The following OSTC variants were observed in gnomAD, a reference collection of about 807,000 sequenced individuals.
OSTC encodes oligosaccharyltransferase complex subunit OSTC.
A neutral mutation model predicts 16.4 loss-of-function variants in OSTC; 16 were observed. The observed-to-expected ratio is 0.98, with a 90% confidence interval of 0.66 to 1.49. The LOEUF is 1.49. OSTC is among the 40% of genes most tolerant of loss of function. OSTC has a pLI of 0.00. For synonymous variants in OSTC, 67 were observed against 68.5 expected (o/e 0.98, Z 0.11); for missense variants, 139 against 186.3 (o/e 0.75, Z 1.48).
intron 3 of OSTC, among the ~76,000 whole-genome samples, chr4:108,659,773 AAAAG>A (rs955995123): frequency 6.2e-5 from 9 of 145,724 alleles, no homozygotes; most frequent in African/African-American, 2.2e-4. Flanking sequence ...CATCTCAAAA[AAAAG>A]AAAAGAAAAG....
rs561069644 is a variant in OSTC, at chr4:108,657,818, A to G, written c.431+171A>G. On this transcript the variant is annotated intron_variant, in intron 3 of 3. Coordinates refer to ENST00000361564, the MANE Select transcript of OSTC (RefSeq NM_021227.4). ...TTACAGCTATAGTTAATAAAAATTG[A>G]AACTAATAGATCTTCTTAGTTGTTA... Among the ~76,000 whole-genome samples the G allele has an allele frequency of 6.6e-5, 10 of 152,040 alleles. 1 individual carries two copies. The South Asian group carries it at 2.1e-3, about 32-fold the overall frequency.
Position 108,661,167 on chromosome 4 carries a change from G to A in OSTC, c.431+3520G>A, listed in dbSNP as rs368276184. The stretch of plus-strand genomic sequence containing the variant: ...CAGGAGGCAGAGGTTGCAGTGAGTC[G>A]AAATTGTGCCACTGCATTCCAGGCT... On this transcript the variant is annotated intron_variant, in intron 3 of 3. Coordinates refer to ENST00000361564, the MANE Select transcript of OSTC (RefSeq NM_021227.4). Among the ~76,000 whole-genome samples the A allele has an allele frequency of 6.9e-5, 10 of 145,338 alleles. 1 individual carries two copies. Among genetic ancestry groups the A allele is most frequent in the African/African-American group, 2.3e-4 (9 of 38,882 alleles).
At chr4:108,659,004 A>T (rs1578340089) in intron 3 of OSTC, among the ~76,000 whole-genome samples, 1 of 97,176 alleles carries the variant, frequency 1.0e-5, no homozygotes, top group Admixed American at 1.5e-4. Context: ...TTTGAGATGG[A>T]GTCTCACATT....
At chr4:108,663,352 C>T (rs541368948) in intron 3 of OSTC, 1 of 364,456 alleles carries the variant, frequency 2.7e-6, no homozygotes, top group Non-Finnish European at 5.3e-6. Flanking sequence ...GCTGGGACTA[C>T]AGGCGCCCAC....
At chr4:108,659,123 C>T (rs537588721) in intron 3 of OSTC, among the ~76,000 whole-genome samples, 114 of 151,686 alleles carry the variant, frequency 7.5e-4, no homozygotes, top group Middle Eastern at 3.4e-3. Context: ...GGATTACAGG[C>T]GCCCGCCACC....
intron 3 of OSTC, among the ~76,000 whole-genome samples, chr4:108,659,547 T>C (rs2110385265): frequency 1.3e-5 from 2 of 152,168 alleles, no homozygotes; most frequent in South Asian, 4.1e-4. Context: ...AGCGGGCGGA[T>C]CACAAGGTCA....
intron 3 of OSTC, among the ~76,000 whole-genome samples, chr4:108,662,356 C>G (rs1726878126): frequency 6.6e-6 from 1 of 152,126 alleles, no homozygotes; most frequent in Non-Finnish European, 1.5e-5. Flanking sequence ...TCGACAGACC[C>G]TCTTTCTAAA....
chr4:108,661,429 T>G (rs1726855069), intron 3 of OSTC, among the ~76,000 whole-genome samples: 1 of 152,178 alleles, frequency 6.6e-6, no homozygotes, highest in South Asian at 2.1e-4. Flanking sequence ...GTATGTTCAC[T>G]GCATTTTAAA....
At chr4:108,665,566 T>C (rs1726975768) in intron 3 of OSTC, among the ~76,000 whole-genome samples, 1 of 148,958 alleles carries the variant, frequency 6.7e-6, no homozygotes, top group African/African-American at 2.4e-5. Context: ...TTTTTTCTTT[T>C]TTTTTTTTTT....
chr4:108,657,233 C>T (rs947027075), intron 2 of OSTC, among the ~76,000 whole-genome samples: 1 of 152,034 alleles, frequency 6.6e-6, no homozygotes, highest in Non-Finnish European at 1.5e-5. Flanking sequence ...TGTTGTATAT[C>T]CCCCAGAACC....
At chr4:108,654,945 T>C (rs1378721503) in intron 1 of OSTC, among the ~76,000 whole-genome samples, 2 of 152,244 alleles carry the variant, frequency 1.3e-5, no homozygotes, top group Non-Finnish European at 2.9e-5. Flanking sequence ...TGAACCGAAG[T>C]AGAGCCTTTA....
chr4:108,666,803 C>G (rs1174854267), intron 3 of OSTC, among the ~76,000 whole-genome samples: 2 of 149,694 alleles, frequency 1.3e-5, no homozygotes, highest in Non-Finnish European at 3.0e-5. Context: ...GTCAGGAGTT[C>G]CAGACCAACC....
intron 3 of OSTC, among the ~76,000 whole-genome samples, chr4:108,665,757 A>T (rs1355960474): frequency 6.6e-6 from 1 of 151,260 alleles, no homozygotes; most frequent in Admixed American, 6.6e-5. Flanking sequence ...GTGGGTTTTC[A>T]CCATGTTGGC....
intron 1 of OSTC, among the ~76,000 whole-genome samples, chr4:108,654,505 A>G (rs1726645981): frequency 6.6e-6 from 1 of 152,230 alleles, no homozygotes; most frequent in Non-Finnish European, 1.5e-5. Flanking sequence ...GGAGGTGGGA[A>G]TCTTCCTCTT....
intron 1 of OSTC, among the ~76,000 whole-genome samples, chr4:108,653,239 AAAC>A (rs1162965970): frequency 6.6e-6 from 1 of 152,184 alleles, no homozygotes; most frequent in African/African-American, 2.4e-5. Context: ...CAAAAAATAA[AAAC>A]AAACAAACAA....
At chr4:108,664,658 A>G (rs902800799) in intron 3 of OSTC, among the ~76,000 whole-genome samples, 4 of 150,826 alleles carry the variant, frequency 2.7e-5, no homozygotes, top group African/African-American at 9.8e-5. Context: ...CGGTGGCATG[A>G]TCTCGGTTCA....
intron 1 of OSTC, chr4:108,651,002 C>T (rs1012419277): frequency 3.9e-5 from 25 of 635,364 alleles, no homozygotes; most frequent in Non-Finnish European, 6.0e-5. Context: ...TTCGTGTTCT[C>T]ACTCCCATTG....
At chr4:108,651,009 A>T in intron 1 of OSTC, 1 of 597,326 alleles carries the variant, frequency 1.7e-6, no homozygotes, top group Admixed American at 3.3e-5. Context: ...TCTCACTCCC[A>T]TTGCCTTTCT....
chr4:108,651,969 A>G (rs1387555072), intron 1 of OSTC, among the ~76,000 whole-genome samples: 1 of 152,230 alleles, frequency 6.6e-6, no homozygotes, highest in Non-Finnish European at 1.5e-5. Context: ...TTTGAGTTAC[A>G]TTTAAATACT....
Sources: gnomAD v4.1 joint callset for allele counts (sites outside exome capture counted in the v4.1 genomes callset) on GRCh38, gnomAD v4.1.1 for gene constraint, MANE v1.5 for transcripts, NCBI Gene and HGNC (gene_info 2026-07-23, HGNC 2026-07-21) for gene names.